Variants in TMEM132C observed in about 807,000 individuals in gnomAD.
TMEM132C encodes the protein transmembrane protein 132C.
In TMEM132C, 29 loss-of-function variants were observed where a neutral mutation model predicts 61.4. The observed-to-expected ratio is 0.47, with a 90% confidence interval of 0.35 to 0.64. The LOEUF is 0.64. Ranked by LOEUF, TMEM132C falls within the 30% of genes least tolerant of loss-of-function variation. TMEM132C has a pLI of 0.00. For synonymous variants in TMEM132C, 656 were observed against 633.1 expected (o/e 1.04, Z -0.54); for missense variants, 1,408 against 1,476.9 (o/e 0.95, Z 0.76).
intron 2 of TMEM132C, among the ~76,000 whole-genome samples, chr12:128,491,104 G>A (rs1381948011): frequency 6.6e-6 from 1 of 152,174 alleles, no homozygotes; most frequent in African/African-American, 2.4e-5. Flanking sequence ...TGACCATAGT[G>A]TAGCCCTGTT....
At chr12:128,483,024 G>A (rs550210956) in intron 2 of TMEM132C, among the ~76,000 whole-genome samples, 3 of 151,794 alleles carry the variant, frequency 2.0e-5, no homozygotes, top group African/African-American at 7.2e-5. Context: ...CAGGAGGATC[G>A]CTTGAGCCCA....
chr12:128,553,705 T>C (rs991092971), intron 3 of TMEM132C, among the ~76,000 whole-genome samples: 5 of 152,226 alleles, frequency 3.3e-5, no homozygotes, highest in Non-Finnish European at 7.3e-5. Context: ...TTCTGAATCA[T>C]GGAGCACAGG....
intron 1 of TMEM132C, among the ~76,000 whole-genome samples, chr12:128,400,642 T>C (rs1875124453): frequency 6.7e-6 from 1 of 150,166 alleles, no homozygotes; most frequent in Non-Finnish European, 1.5e-5. Flanking sequence ...GGAGTCTCGC[T>C]CTGTTGCCCA....
chr12:128,464,343 C>A (rs770246148), intron 2 of TMEM132C, among the ~76,000 whole-genome samples: 3 of 152,204 alleles, frequency 2.0e-5, no homozygotes, highest in Non-Finnish European at 4.4e-5. Context: ...TCCCCACATC[C>A]TAGTTGGGGG....
chr12:128,340,770 T>C (rs1196706282), intron 1 of TMEM132C, among the ~76,000 whole-genome samples: 1 of 146,628 alleles, frequency 6.8e-6, no homozygotes, highest in Non-Finnish European at 1.5e-5. Flanking sequence ...TTTCTTTCTA[T>C]TTTTCTTTCT....
chr12:128,319,965 G>A (rs1473123378), intron 1 of TMEM132C, among the ~76,000 whole-genome samples: 1 of 152,116 alleles, frequency 6.6e-6, no homozygotes, highest in Non-Finnish European at 1.5e-5. Context: ...GAAATTGTTG[G>A]CGGCAGTGTT....
intron 2 of TMEM132C, among the ~76,000 whole-genome samples, chr12:128,450,755 C>T (rs1262841216): frequency 6.6e-6 from 1 of 152,164 alleles, no homozygotes; most frequent in East Asian, 1.9e-4. Flanking sequence ...ATAGCAAATA[C>T]TGCAAAATGA....
At chr12:128,312,102 C>A (rs866302639) in intron 1 of TMEM132C, among the ~76,000 whole-genome samples, 25 of 152,182 alleles carry the variant, frequency 1.6e-4, no homozygotes, top group African/African-American at 5.8e-4. Context: ...CATTGAGAAC[C>A]TTCCCTCCCT....
intron 3 of TMEM132C, among the ~76,000 whole-genome samples, chr12:128,572,466 T>C (rs1210578357): frequency 2.0e-5 from 3 of 151,956 alleles, no homozygotes; most frequent in Admixed American, 6.5e-5. Context: ...CTGTGGCCTC[T>C]GCTGACCTCT....
intron 1 of TMEM132C, among the ~76,000 whole-genome samples, chr12:128,286,626 G>C (rs1176463385): frequency 6.6e-6 from 1 of 152,206 alleles, no homozygotes; most frequent in African/African-American, 2.4e-5. Context: ...TCTAGGTTAT[G>C]ACCTCAGGAC....
At chr12:128,361,643 T>C (rs1033779692) in intron 1 of TMEM132C, among the ~76,000 whole-genome samples, 3 of 143,158 alleles carry the variant, frequency 2.1e-5, no homozygotes, top group Admixed American at 7.4e-5. Flanking sequence ...AACATATTTC[T>C]CCAAACTCCT....
At chr12:128,364,752 G>A (rs1403354672) in intron 1 of TMEM132C, among the ~76,000 whole-genome samples, 2 of 152,166 alleles carry the variant, frequency 1.3e-5, no homozygotes, top group East Asian at 1.9e-4. Flanking sequence ...ATGGCCTGAG[G>A]GACACAGTGG....
Position 128,599,432 on chromosome 12 carries a change from G to A in TMEM132C, c.1122-16720G>A, listed in dbSNP as rs559665361. Among the ~76,000 whole-genome samples the A allele has an allele frequency of 3.9e-5, 6 of 152,356 alleles. No homozygotes were observed. In the South Asian group the frequency reaches 8.3e-4, roughly 21 times the overall value. ...GTGGCACTGGGAAACCTGGGGCAGCGATGATGGCCAGGGCACCTGGGCCTC... is the reference window on the plus strand; with the variant it reads ...GTGGCACTGGGAAACCTGGGGCAGCAATGATGGCCAGGGCACCTGGGCCTC... On this transcript the variant is annotated intron_variant, in intron 3 of 8. Transcript: ENST00000435159.
intron 1 of TMEM132C, among the ~76,000 whole-genome samples, chr12:128,286,715 A>G (rs542835853): frequency 6.6e-6 from 1 of 151,134 alleles, no homozygotes; most frequent in Non-Finnish European, 1.5e-5. Flanking sequence ...TTGGGCACAC[A>G]GTCACCTGAG....
chr12:128,335,867 G>C (rs897100177), intron 1 of TMEM132C, among the ~76,000 whole-genome samples: 8 of 152,162 alleles, frequency 5.3e-5, no homozygotes, highest in African/African-American at 1.9e-4. Context: ...TGCCCCCCAG[G>C]TGTTCTTTCC....
chr12:128,274,242 A>G (rs936830220), intron 1 of TMEM132C, among the ~76,000 whole-genome samples: 1 of 152,200 alleles, frequency 6.6e-6, no homozygotes, highest in Non-Finnish European at 1.5e-5. Flanking sequence ...TGTGTTAGGA[A>G]TGTTGAGTTT....
intron 2 of TMEM132C, among the ~76,000 whole-genome samples, chr12:128,488,105 T>C (rs11832460): frequency 5.3e-4 from 81 of 152,302 alleles, no homozygotes; most frequent in African/African-American, 1.8e-3. Context: ...ACTCACACCA[T>C]AGCTAATTTC....
At chr12:128,698,386 T>C (rs756535743) in intron 8 of TMEM132C, among the ~76,000 whole-genome samples, 7 of 152,190 alleles carry the variant, frequency 4.6e-5, no homozygotes, top group Non-Finnish European at 1.0e-4. Context: ...CTGCTTCTGA[T>C]GCCATCATTA....
intron 2 of TMEM132C, among the ~76,000 whole-genome samples, chr12:128,461,346 C>T (rs1259663274): frequency 2.0e-5 from 3 of 152,294 alleles, no homozygotes. Flanking sequence ...GATAAGTGCA[C>T]ACAGACCCCA....
Sources: gnomAD v4.1 joint callset for allele counts (sites outside exome capture counted in the v4.1 genomes callset) on GRCh38, gnomAD v4.1.1 for gene constraint, MANE v1.5 for transcripts, NCBI Gene and HGNC (gene_info 2026-07-23, HGNC 2026-07-21) for gene names.